The following RBMS3 variants were observed in gnomAD, a reference collection of about 807,000 sequenced individuals.
RBMS3 encodes the protein RNA-binding motif, single-stranded-interacting protein 3.
Under a neutral mutation model 66.8 loss-of-function variants are expected in RBMS3, and 27 were observed. That is an observed-to-expected ratio of 0.40 (90% confidence interval 0.30 to 0.56). The LOEUF (loss-of-function observed/expected upper bound fraction) is 0.56. Ranked by LOEUF, RBMS3 falls within the 20% of genes least tolerant of loss-of-function variation. The probability of loss-of-function intolerance (pLI) is 0.40; values close to 1 mark genes in which losing one functional copy is unlikely to be tolerated. For synonymous variants in RBMS3, 188 were observed against 183.0 expected (o/e 1.03, Z -0.22); for missense variants, 513 against 549.5 (o/e 0.93, Z 0.66).
At position 29,910,759 on chromosome 3, in the gene RBMS3, A is replaced by ATATATGTATATG. The variant is rs141450072; in HGVS notation, c.939+11014_939+11015insTGTATATGTATA. 1.9e-3 allele frequency among the ~76,000 whole-genome samples: 290 copies of ATATATGTATATG among 150,866 alleles called. 1 individual carries two copies. Among genetic ancestry groups the ATATATGTATATG allele is most frequent in the African/African-American group, 5.2e-3 (215 of 41,018 alleles). On this transcript the variant is annotated intron_variant, in intron 10 of 14. Transcript: ENST00000383767. ...AAAGGGAAAAACTATACATATACAT[A>ATATATGTATATG]TATATGTATACGTATATGTATATAA... is the stretch of plus-strand genomic sequence containing the variant.
At chr3:29,571,194 T>A (rs527927393) in intron 3 of RBMS3, among the ~76,000 whole-genome samples, 53 of 152,280 alleles carry the variant, frequency 3.5e-4, no homozygotes, top group African/African-American at 1.3e-3. Context: ...TCCTATACAG[T>A]TGTTTGAGCT....
intron 3 of RBMS3, among the ~76,000 whole-genome samples, chr3:29,519,024 G>C (rs2044749645): frequency 6.6e-6 from 1 of 152,178 alleles, no homozygotes; most frequent in Admixed American, 6.5e-5. Flanking sequence ...TCTGCGCTTT[G>C]AGTGTATTTT....
intron 6 of RBMS3, among the ~76,000 whole-genome samples, chr3:29,857,214 A>G (rs777161101): frequency 2.0e-5 from 3 of 152,188 alleles, no homozygotes; most frequent in East Asian, 1.9e-4. Context: ...ATGCTTAGGA[A>G]CAGCATGAAG....
intron 4 of RBMS3, among the ~76,000 whole-genome samples, chr3:29,611,528 C>T (rs2048492001): frequency 6.6e-6 from 1 of 151,470 alleles, no homozygotes; most frequent in Non-Finnish European, 1.5e-5. Flanking sequence ...TAATTGCATA[C>T]TGTACAAAGC....
chr3:29,788,434 C>T (rs894463581), intron 6 of RBMS3, among the ~76,000 whole-genome samples: 1 of 151,936 alleles, frequency 6.6e-6, no homozygotes, highest in Non-Finnish European at 1.5e-5. Context: ...ATTGTGTTAT[C>T]CAGGATTGTC....
At chr3:29,520,244 TA>T (rs1170147846) in intron 3 of RBMS3, among the ~76,000 whole-genome samples, 1 of 152,172 alleles carries the variant, frequency 6.6e-6, no homozygotes, top group African/African-American at 2.4e-5. Context: ...AACCTACTAT[TA>T]AAAAGCGTGC....
rs141943391 is a variant in RBMS3 at position 29,380,040 on chromosome 3, G to T, written c.76-54703G>T. On this transcript the variant is annotated intron_variant, in intron 1 of 14. Coordinates refer to ENST00000383767, the MANE Select transcript of RBMS3 (RefSeq NM_001003793.3). Reference sequence around the variant, plus strand: ...CTAGAGGGAGGACATTTCTGACAGGGGGAAAGAGCAAAAAAGTATGAGGAT... The same window carrying T: ...CTAGAGGGAGGACATTTCTGACAGGTGGAAAGAGCAAAAAAGTATGAGGAT... Among the ~76,000 whole-genome samples the T allele has an allele frequency of 1.3e-4, 20 of 152,212 alleles. No homozygotes were observed. The East Asian group carries it at 3.9e-3, about 29-fold the overall frequency.
intron 2 of RBMS3, among the ~76,000 whole-genome samples, chr3:29,471,920 C>T (rs755670025): frequency 5.3e-5 from 8 of 152,114 alleles, no homozygotes; most frequent in Admixed American, 2.0e-4. Context: ...TTAAACATAA[C>T]AGTTAAATTT....
At chr3:29,415,021 G>A (rs149921708) in intron 1 of RBMS3, among the ~76,000 whole-genome samples, 10 of 152,282 alleles carry the variant, frequency 6.6e-5, no homozygotes, top group African/African-American at 2.4e-4. Context: ...GCTGATAAAT[G>A]CTGAGAAGGA....
chr3:29,522,359 A>AT, intron 3 of RBMS3, among the ~76,000 whole-genome samples: 1 of 152,092 alleles, frequency 6.6e-6, no homozygotes, highest in African/African-American at 2.4e-5. Flanking sequence ...TGCCCAGCTA[A>AT]TTTTTTGTAA....
intron 4 of RBMS3, among the ~76,000 whole-genome samples, chr3:29,681,712 C>G (rs1410225194): frequency 6.6e-6 from 1 of 152,162 alleles, no homozygotes; most frequent in Non-Finnish European, 1.5e-5. Context: ...GCATAGTATT[C>G]CATGGTGTAT....
chr3:29,461,460 T>G (rs1224920927), intron 2 of RBMS3, among the ~76,000 whole-genome samples: 4 of 152,224 alleles, frequency 2.6e-5, no homozygotes, highest in Non-Finnish European at 4.4e-5. Flanking sequence ...GTGCCAATTT[T>G]GGTTTCACAC....
At chr3:29,295,563 T>C (rs2033203964) in intron 1 of RBMS3, among the ~76,000 whole-genome samples, 1 of 151,410 alleles carries the variant, frequency 6.6e-6, no homozygotes, top group Non-Finnish European at 1.5e-5. Flanking sequence ...GTGTGTCTTT[T>C]ACAGAATTCT....
At chr3:29,428,143 G>A (rs558749403) in intron 1 of RBMS3, among the ~76,000 whole-genome samples, 1 of 152,112 alleles carries the variant, frequency 6.6e-6, no homozygotes, top group South Asian at 2.1e-4. Flanking sequence ...ATTCTGTGAG[G>A]GGTACTGTAC....
chr3:29,536,600 CAGA>C (rs1359337521), intron 3 of RBMS3, among the ~76,000 whole-genome samples: 1 of 152,146 alleles, frequency 6.6e-6, no homozygotes, highest in African/African-American at 2.4e-5. Context: ...GGAGACGTGT[CAGA>C]AGAAGAGCTT....
intron 4 of RBMS3, among the ~76,000 whole-genome samples, chr3:29,718,941 C>T (rs1476184300): frequency 6.6e-6 from 1 of 152,152 alleles, no homozygotes; most frequent in African/African-American, 2.4e-5. Flanking sequence ...TTAGAGTGGG[C>T]TAGCTAATCA....
intron 4 of RBMS3, among the ~76,000 whole-genome samples, chr3:29,626,266 C>A (rs2049057802): frequency 6.6e-6 from 1 of 152,050 alleles, no homozygotes; most frequent in East Asian, 1.9e-4. Flanking sequence ...CAATATTTGG[C>A]CTACCCCATT....
At chr3:29,799,543 C>T (rs1473241264) in intron 6 of RBMS3, among the ~76,000 whole-genome samples, 1 of 152,136 alleles carries the variant, frequency 6.6e-6, no homozygotes, top group Non-Finnish European at 1.5e-5. Context: ...CTTCCTTATT[C>T]ATTTTAAATA....
intron 4 of RBMS3, among the ~76,000 whole-genome samples, chr3:29,667,168 T>C (rs991431484): frequency 9.2e-5 from 14 of 152,230 alleles, no homozygotes; most frequent in Non-Finnish European, 1.9e-4. Context: ...TTGGTGATAA[T>C]TGGACAAGCT....
Sources: allele counts gnomAD v4.1 joint callset (sites outside exome capture counted in the v4.1 genomes callset), GRCh38; gene constraint gnomAD v4.1.1; transcripts MANE v1.5; gene names NCBI Gene and HGNC (gene_info 2026-07-23, HGNC 2026-07-21).